Variants in ZFYVE16 observed in about 807,000 individuals in gnomAD.
ZFYVE16 encodes the protein zinc finger FYVE-type containing 16.
In ZFYVE16, 89 loss-of-function variants were observed where a neutral mutation model predicts 138.1. The ratio of observed to expected loss-of-function variants is 0.64; its 90% CI spans 0.54 to 0.77. The LOEUF (loss-of-function observed/expected upper bound fraction) is 0.77, where lower values mean the gene tolerates loss of function less well. Ranked by LOEUF, ZFYVE16 falls within the 30% of genes least tolerant of loss-of-function variation. ZFYVE16 has a pLI of 0.00. For missense variants in ZFYVE16, 1,793 were observed against 1,786.7 expected, an observed-to-expected ratio of 1.00 and a Z score of -0.06; for synonymous variants, 596 against 618.3, an observed-to-expected ratio of 0.96 and a Z score of 0.53.
At chr5:80,424,523 G>A (rs1747715711) in intron 1 of ZFYVE16, among the ~76,000 whole-genome samples, 1 of 149,582 alleles carries the variant, frequency 6.7e-6, no homozygotes, top group Non-Finnish European at 1.5e-5. Context: ...GTGCAGTGGT[G>A]TGATCTTGGT....
In ZFYVE16 at chr5:80,465,342, G is replaced by C. The variant is rs944392846; in HGVS notation, c.4024+5848G>C. ...AACAATATTTTTCATTTAGCACTTTGAATATGTCATTCCACTGTCTTCTGG... is the reference window on the plus strand; with the variant it reads ...AACAATATTTTTCATTTAGCACTTTCAATATGTCATTCCACTGTCTTCTGG... On this transcript the variant is annotated intron_variant, in intron 15 of 18. Coordinates refer to ENST00000505560, the MANE Select transcript of ZFYVE16 (RefSeq NM_001284236.3). 2.9e-5 allele frequency among the ~76,000 whole-genome samples: 4 copies of C among 137,082 alleles called. No individual in the cohort carries two copies. The Admixed American group carries it at 3.1e-4, about 11-fold the overall frequency. The allele number at this position is 137,082 out of a possible 152,430, so 89.9% of individuals were successfully genotyped here.
At chr5:80,432,440 A>G (rs140381319) in intron 2 of ZFYVE16, among the ~76,000 whole-genome samples, 120,438 of 151,870 alleles carry the variant, frequency 0.79, 50,179 homozygotes, top group East Asian at 0.92. Context: ...TTAATTCAAG[A>G]TGGGTTAAAG....
At position 80,451,614 on chromosome 5, in the gene ZFYVE16, C is replaced by A. The variant is rs1561302787; in HGVS notation, c.3512C>A (p.Pro1171His). 1 of 1,613,808 alleles carries A rather than the reference C, an allele frequency of 6.2e-7. No homozygotes were observed. Residue 1171 changes from proline to histidine, a missense_variant, in exon 11 of 19, where the codon CCT (proline) becomes CAT (histidine). By Grantham distance (77) the Pro-to-His change is moderately conservative. Transcript: ENST00000505560. ...KLDDLSLPSN[P>H]FLCGILIQKL... is the part of the protein sequence containing the mutation. ...GATGATCTCTCATTACCAAGTAATC[C>A]TTTTCTTTGTGGAATTCTTATCCAG...
intron 1 of ZFYVE16, among the ~76,000 whole-genome samples, chr5:80,420,056 C>T (rs1265908859): frequency 2.0e-5 from 3 of 150,604 alleles, no homozygotes; most frequent in Non-Finnish European, 3.0e-5. Flanking sequence ...GTGATCTGCC[C>T]ACCTTGGCCC....
rs767562545 is a variant in ZFYVE16 at position 80,445,307 on chromosome 5, A to C, written c.2626A>C (p.Ile876Leu). The C allele has an allele frequency of 6.2e-7, 1 of 1,614,034 alleles. No individual in the cohort carries two copies. ...GAAGAGAGTATGGTTTGCAGATGGTATATTGCCCAATGGTGAAGTTGCAGA... is the reference window on the plus strand; with the variant it reads ...GAAGAGAGTATGGTTTGCAGATGGTCTATTGCCCAATGGTGAAGTTGCAGA... ...EQKRVWFADG[I>L]LPNGEVADTT... is the part of the protein sequence containing the mutation. Residue 876 changes from isoleucine to leucine, a missense_variant, in exon 7 of 19, where the codon ATA (isoleucine) becomes CTA (leucine). Around this residue, in one of 2 missense-constraint regions of ZFYVE16, gnomAD observed 1,295 missense variants for 1,204.3 expected, o/e 1.08. Transcript: ENST00000505560.
intron 1 of ZFYVE16, among the ~76,000 whole-genome samples, chr5:80,412,173 C>T (rs1745548883): frequency 6.6e-6 from 1 of 152,112 alleles, no homozygotes; most frequent in Admixed American, 6.6e-5. Context: ...CTTACCTTAA[C>T]CATTTTAGGT....
At position 80,474,765 on chromosome 5, in the gene ZFYVE16, C is replaced by T. The variant is rs775403366; in HGVS notation, c.4396C>T (p.Leu1466=). 8 of 1,613,646 alleles carry T rather than the reference C, an allele frequency of 5.0e-6. No homozygotes were observed. The highest frequency in any genetic ancestry group is 5.9e-6 in the Non-Finnish European group (7 of 1,179,820). ...TTGTAGTGCTGCGCTGTGCCCTCAC[C>T]TGAAAACTCTAAAAAGTAATGGGAT... is the stretch of plus-strand genomic sequence containing the variant. ...MACSAALCPH[L]KTLKSNGMNK... Residue 1466 remains leucine (L), a synonymous_variant, in exon 18 of 19, where the codon CTG becomes TTG. Coordinates refer to ENST00000505560, the MANE Select transcript of ZFYVE16 (RefSeq NM_001284236.3).
intron 14 of ZFYVE16, 62 bp downstream of exon 14, chr5:80,457,154 A>G (rs994186700): frequency 2.5e-6 from 4 of 1,575,142 alleles, no homozygotes; most frequent in Non-Finnish European, 3.4e-6. Flanking sequence ...AATTCCTTTC[A>G]AAGGGGAAAT....
intron 15 of ZFYVE16, among the ~76,000 whole-genome samples, chr5:80,470,021 A>G (rs1427114942): frequency 6.6e-6 from 1 of 150,594 alleles, no homozygotes; most frequent in Non-Finnish European, 1.5e-5. Flanking sequence ...ATACATATAT[A>G]CATATATATG....
At chr5:80,443,424 C>T in intron 6 of ZFYVE16, 140 bp downstream of exon 6, 1 of 1,054,490 alleles carries the variant, frequency 9.5e-7, no homozygotes, top group Non-Finnish European at 1.4e-6. Context: ...GTTACACATG[C>T]AGGCTGGAAG....
Position 80,437,295 on chromosome 5 carries a change from A to G in ZFYVE16, c.610A>G (p.Ile204Val), listed in dbSNP as rs1383456930. The G allele has an allele frequency of 1.9e-6, 3 of 1,608,094 alleles. No homozygotes were observed. Among genetic ancestry groups the G allele is most frequent in the Non-Finnish European group, 2.5e-6 (3 of 1,176,992 alleles). ...ATTACAAAATAGAGAAATCGGAGGA[A>G]TCAAAGAATTGGGTATAAAAGTAGA... ...SELQNREIGG[I>V]KELGIKVDTT... The change falls in exon 4 of 19, where the codon ATC (isoleucine) becomes GTC (valine). Residue 204 changes from isoleucine to valine, a missense_variant. Transcript: ENST00000505560.
At chr5:80,474,873 G>A (rs1182363216) in intron 18 of ZFYVE16, 43 bp downstream of exon 18, 4 of 1,557,348 alleles carry the variant, frequency 2.6e-6, no homozygotes, top group South Asian at 1.2e-5. Flanking sequence ...TGAATGTATT[G>A]CATATTAACA....
rs1749536223 is a variant in ZFYVE16 at position 80,434,185 on chromosome 5, A to G, written c.38A>G (p.Asp13Gly). The change falls in exon 3 of 19, where the codon GAC becomes GGC. Residue 13 changes from aspartate to glycine, a missense_variant. By Grantham distance (94) the Asp-to-Gly change is moderately conservative. This residue lies in a region of ZFYVE16 where 1,295 missense variants were observed against 1,204.3 expected (regional missense o/e 1.08). Transcript: ENST00000505560. ...TTTAAAGCAGCTGTCAGTGACTTGGACAAACTCCTTGATGATTTTGAACAG... is the reference window on the plus strand; with the variant it reads ...TTTAAAGCAGCTGTCAGTGACTTGGGCAAACTCCTTGATGATTTTGAACAG... ...SYFKAAVSDL[D>G]KLLDDFEQNP... The G allele has an allele frequency of 6.2e-7, 1 of 1,613,572 alleles. No individual in the cohort carries two copies. The highest frequency in any genetic ancestry group is 8.5e-7 in the Non-Finnish European group (1 of 1,179,666).
At chr5:80,463,498 C>A (rs143006548) in intron 15 of ZFYVE16, among the ~76,000 whole-genome samples, 1 of 152,150 alleles carries the variant, frequency 6.6e-6, no homozygotes, top group Admixed American at 6.5e-5. Flanking sequence ...CCCAGGCCTC[C>A]AGGCCTGTAA....
chr5:80,470,102 T>TATA (rs1491134484), intron 15 of ZFYVE16, among the ~76,000 whole-genome samples: 2 of 20,296 alleles, frequency 9.9e-5, no homozygotes, highest in African/African-American at 1.5e-4. Context: ...TGTGTGTGTA[T>TATA]TTTTTTTTTT....
chr5:80,456,154 A>G, intron 12 of ZFYVE16: 1 of 299,606 alleles, frequency 3.3e-6, no homozygotes, highest in Non-Finnish European at 6.1e-6. Flanking sequence ...TCTCATTTAT[A>G]ATAGGAAGTG....
rs887177892 is a variant in ZFYVE16 at position 80,478,051 on chromosome 5, G to C, written c.*674G>C. On this transcript the variant is annotated 3_prime_UTR_variant, in exon 19 of 19. Coordinates refer to ENST00000505560, the MANE Select transcript of ZFYVE16 (RefSeq NM_001284236.3). Reference sequence around the variant, plus strand: ...ATTAAAATAATTGCGGGTGCTTCAGGACTTTTTGCTTCTATATTTAAGTAT... The same window carrying C: ...ATTAAAATAATTGCGGGTGCTTCAGCACTTTTTGCTTCTATATTTAAGTAT... 1 of 151,920 alleles carries C rather than the reference G, an allele frequency of 6.6e-6. No individual in the cohort carries two copies. The highest frequency in any genetic ancestry group is 2.4e-5 in the African/African-American group (1 of 41,390). The allele number at this position is 151,920 out of a possible 1,614,324, so 9.4% of individuals were successfully genotyped here.
In ZFYVE16 at chr5:80,451,586, C is replaced by G; in HGVS notation, c.3484C>G (p.Leu1162Val). ...FLFITPTFQK[L>V]DDLSLPSNPF... The stretch of plus-strand genomic sequence containing the variant: ...GTTTATTACACCTACTTTTCAGAAA[C>G]TTGATGATCTCTCATTACCAAGTAA... Residue 1162 changes from leucine to valine, a missense_variant, in exon 11 of 19, where the codon CTT (leucine) becomes GTT (valine). Physicochemically the swap from Leu to Val is conservative, Grantham distance 32. Transcript: ENST00000505560. 6.2e-7 allele frequency: 1 copy of G among 1,613,840 alleles called. No homozygotes were observed. The highest frequency in any genetic ancestry group is 8.5e-7 in the Non-Finnish European group (1 of 1,179,890).
At chr5:80,450,761 T>C (rs1203210656) in intron 10 of ZFYVE16, among the ~76,000 whole-genome samples, 175 bp downstream of exon 10, 2 of 152,106 alleles carry the variant, frequency 1.3e-5, no homozygotes, top group Non-Finnish European at 2.9e-5. Flanking sequence ...TTTATGTGAT[T>C]AGTGTCTATG....
Sources: gnomAD v4.1 joint callset for allele counts (sites outside exome capture counted in the v4.1 genomes callset) on GRCh38, gnomAD v4.1.1 for gene constraint, gnomAD v4.1.1 regional missense constraint, MANE v1.5 for transcripts, NCBI Gene and HGNC (gene_info 2026-07-23, HGNC 2026-07-21) for gene names.